Variants in MIER3 observed in about 807,000 individuals in gnomAD.
MIER3 encodes the protein MIER family member 3, also known as mesoderm induction early response protein 3.
Under a neutral mutation model 63.2 loss-of-function variants are expected in MIER3, and 9 were observed. The ratio of observed to expected loss-of-function variants is 0.14; its 90% CI spans 0.09 to 0.25. The LOEUF (loss-of-function observed/expected upper bound fraction) is 0.25. MIER3 is among the 10% of genes least tolerant of loss of function. The pLI, the probability that MIER3 is intolerant of heterozygous loss-of-function variation, is 1.00. For missense variants in MIER3, 512 were observed against 666.2 expected, an observed-to-expected ratio of 0.77 and a Z score of 2.55; for synonymous variants, 205 against 224.9, an observed-to-expected ratio of 0.91 and a Z score of 0.79.
intron 3 of MIER3, among the ~76,000 whole-genome samples, chr5:56,940,099 G>A (rs1750590366): frequency 6.6e-6 from 1 of 152,148 alleles, no homozygotes; most frequent in African/African-American, 2.4e-5. Flanking sequence ...GGAGGCCGAG[G>A]CAGGCAGATC....
intron 3 of MIER3, among the ~76,000 whole-genome samples, chr5:56,941,907 C>G (rs913516597): frequency 2.6e-5 from 4 of 151,794 alleles, no homozygotes; most frequent in African/African-American, 9.7e-5. Flanking sequence ...GGTCACTGGA[C>G]GTGGGAGGGA....
Position 56,935,546 on chromosome 5 carries a change from A to G in MIER3, c.523-46T>C. ...AAAAATAACTTATTAAAAAAAAAAT[A>G]CTGAAAAAAAGCCCCATATCATTAA... On this transcript the variant is annotated intron_variant, in intron 6 of 12. Transcript: ENST00000381199. 1.3e-6 allele frequency: 2 copies of G among 1,501,830 alleles called. 1 individual carries two copies. The highest frequency in any genetic ancestry group is 1.8e-6 in the Non-Finnish European group (2 of 1,104,890). 93.0% of individuals were successfully genotyped at this position (1,501,830 alleles called of 1,614,324 possible).
At chr5:56,950,771 A>G in intron 1 of MIER3, 119 bp from the exon 2 acceptor site, 3 of 1,151,362 alleles carry the variant, frequency 2.6e-6, no homozygotes, top group Non-Finnish European at 3.8e-6. Context: ...CAAAAGTGCA[A>G]GACGTAGCTT....
chr5:56,924,979 G>T lies in MIER3; in HGVS notation c.925-937C>A, dbSNP rs1299723704. Reference sequence around the variant, plus strand: ...TCGCAGAGAATGCAGGCTTCGTGGGGCTACAGACCTTTTCTGTCTTATTCA... The same window carrying T: ...TCGCAGAGAATGCAGGCTTCGTGGGTCTACAGACCTTTTCTGTCTTATTCA... On this transcript the variant is annotated intron_variant, in intron 10 of 12. Transcript: ENST00000381199. 3.9e-5 allele frequency among the ~76,000 whole-genome samples: 6 copies of T among 152,156 alleles called. No individual in the cohort carries two copies. In the East Asian group the frequency reaches 1.2e-3, roughly 29 times the overall value.
In MIER3 at chr5:56,920,737, A is replaced by C. The variant is rs572753684; in HGVS notation, c.*2391T>G. 2.0e-5 allele frequency: 3 copies of C among 152,410 alleles called. No individual in the cohort carries two copies. The highest frequency in any genetic ancestry group is 2.0e-4 in the Admixed American group (3 of 15,304). 9.4% of individuals were successfully genotyped at this position (152,410 alleles called of 1,614,324 possible). On this transcript the variant is annotated 3_prime_UTR_variant, in exon 13 of 13. Coordinates refer to ENST00000381199, the MANE Select transcript of MIER3 (RefSeq NM_001297599.2). ...TGAATGTCACATCAAGCATGCACAA[A>C]AATGGTATTATACATGGCAGAAGTA...
At chr5:56,930,489 C>CA (rs1481058601) in intron 9 of MIER3, among the ~76,000 whole-genome samples, 175 bp downstream of exon 9, 1 of 152,126 alleles carries the variant, frequency 6.6e-6, no homozygotes. Flanking sequence ...TTTGAACAGT[C>CA]TCTGATACAT....
intron 8 of MIER3, among the ~76,000 whole-genome samples, chr5:56,931,702 C>T (rs755805323): frequency 3.3e-5 from 5 of 151,956 alleles, no homozygotes; most frequent in Non-Finnish European, 7.4e-5. Context: ...AAAGCAGGCA[C>T]CAAATCACTG....
In MIER3 at chr5:56,948,060, G is replaced by A. The variant is rs964075903; in HGVS notation, c.35-989C>T. On this transcript the variant is annotated intron_variant, in intron 2 of 12. Coordinates refer to ENST00000381199, the MANE Select transcript of MIER3 (RefSeq NM_001297599.2). ...GGTTGGGGGAAGGAAGAAGTGGATG[G>A]AAGCATACTCAACATAAAAAGTTTA... 5.3e-5 allele frequency among the ~76,000 whole-genome samples: 8 copies of A among 152,310 alleles called. No individual in the cohort carries two copies. In the South Asian group the frequency reaches 1.7e-3, roughly 32 times the overall value.
Position 56,919,891 on chromosome 5 carries a change from GA to G in MIER3, c.*3236del, listed in dbSNP as rs1292798551. On this transcript the variant is annotated 3_prime_UTR_variant, in exon 13 of 13. Transcript: ENST00000381199. Reference sequence around the variant, plus strand: ...AAACTAATAGTTTCCTCCATTTAGTGAAAAAATTAGGAACTTTTTAAAAAAC... The same window carrying G: ...AAACTAATAGTTTCCTCCATTTAGTGAAAAATTAGGAACTTTTTAAAAAAC... 2 of 152,454 alleles carry G rather than the reference GA, an allele frequency of 1.3e-5. No homozygotes were observed. The highest frequency in any genetic ancestry group is 2.9e-5 in the Non-Finnish European group (2 of 67,990). 9.4% of individuals were successfully genotyped at this position (152,454 alleles called of 1,614,324 possible).
intron 8 of MIER3, 37 bp from the exon 9 acceptor site, chr5:56,930,782 A>G: frequency 1.3e-6 from 2 of 1,517,144 alleles, no homozygotes; most frequent in Non-Finnish European, 1.8e-6. Context: ...TTAAAAGTTC[A>G]TACCTAACAG....
At chr5:56,925,373 A>T (rs965268565) in intron 10 of MIER3, 10 of 452,836 alleles carry the variant, frequency 2.2e-5, no homozygotes, top group African/African-American at 6.0e-5. Flanking sequence ...AAGAATCAAC[A>T]AAAAATCGCC....
intron 9 of MIER3, 144 bp from the exon 10 acceptor site, chr5:56,929,005 ACTCTCTCT>A (rs1554041077): frequency 2.0e-6 from 1 of 510,496 alleles, no homozygotes; most frequent in Non-Finnish European, 3.5e-6. Flanking sequence ...ACACACACAC[ACTCTCTCT>A]CTCTCTCTCT....
chr5:56,950,553 A>C, intron 2 of MIER3, 75 bp downstream of exon 2: 1 of 1,456,950 alleles, frequency 6.9e-7, no homozygotes, highest in East Asian at 2.3e-5. Flanking sequence ...TTCTATTGGG[A>C]ATCCTTTAGC....
chr5:56,919,688 T>A lies in MIER3; in HGVS notation c.*3440A>T, dbSNP rs1561225017. On this transcript the variant is annotated 3_prime_UTR_variant, in exon 13 of 13. Transcript: ENST00000381199. The stretch of plus-strand genomic sequence containing the variant: ...AAAATAATGCTCAAAAAAATCAGTG[T>A]TTATGTACAAATATTAAAATCAATG... 6.6e-6 allele frequency: 1 copy of A among 152,626 alleles called. No individual in the cohort carries two copies. Among genetic ancestry groups the A allele is most frequent in the East Asian group, 1.9e-4 (1 of 5,202 alleles). 9.5% of individuals were successfully genotyped at this position (152,626 alleles called of 1,614,324 possible). A position where few individuals can be genotyped will look rare whatever the true frequency, so the allele number is the denominator to read the frequency against.
At position 56,923,507 on chromosome 5, in the gene MIER3, T is replaced by A. The variant is rs1473888286; in HGVS notation, c.1274A>T (p.Asn425Ile). 1.9e-6 allele frequency: 3 copies of A among 1,614,056 alleles called. No homozygotes were observed. Among genetic ancestry groups the A allele is most frequent in the Admixed American group, 3.3e-5 (2 of 59,984 alleles). Residue 425 changes from asparagine (N) to isoleucine (I), a missense_variant, in exon 13 of 13, where the codon AAC becomes ATC. Physicochemically the swap from Asn to Ile is moderately radical, Grantham distance 149. Around this residue, in one of 5 missense-constraint regions of MIER3, gnomAD observed 218 missense variants for 251.2 expected, o/e 0.87. Coordinates refer to ENST00000381199, the MANE Select transcript of MIER3 (RefSeq NM_001297599.2). ...CLDDSFPPLG[N>I]TPRGQVNHVP... ...ATGATTAACTTGTCCACGGGGTGTG[T>A]TGCCCAGTGGAGGAAAGCTATCATC... is the stretch of plus-strand genomic sequence containing the variant.
chr5:56,949,932 AG>A (rs1750959974), intron 2 of MIER3, among the ~76,000 whole-genome samples: 1 of 152,226 alleles, frequency 6.6e-6, no homozygotes, highest in Non-Finnish European at 1.5e-5. Flanking sequence ...GACCTGCTAC[AG>A]GGATTCTACA....
chr5:56,950,027 T>C (rs550697412), intron 2 of MIER3, among the ~76,000 whole-genome samples: 1 of 152,356 alleles, frequency 6.6e-6, no homozygotes, highest in East Asian at 1.9e-4. Flanking sequence ...CAGGGGTTTC[T>C]GACCTCAGGA....
At chr5:56,930,832 G>A (rs1750240205) in intron 8 of MIER3, 87 bp from the exon 9 acceptor site, 1 of 1,069,054 alleles carries the variant, frequency 9.4e-7, no homozygotes, top group Admixed American at 1.8e-5. Flanking sequence ...ATAAATATTG[G>A]AGTCTTGATA....
chr5:56,923,550 T>C lies in MIER3; in HGVS notation c.1231A>G (p.Thr411Ala). 2 of 1,614,062 alleles carry C rather than the reference T, an allele frequency of 1.2e-6. No individual in the cohort carries two copies. Among genetic ancestry groups the C allele is most frequent in the Non-Finnish European group, 1.7e-6 (2 of 1,179,956 alleles). ...CTATCATCCAAACAATTCACATCTGTGGGGTCGCAGACGGTTGCTACACTG... is the reference window on the plus strand; with the variant it reads ...CTATCATCCAAACAATTCACATCTGCGGGGTCGCAGACGGTTGCTACACTG... ...TNSVATVCDP[T>A]DVNCLDDSFP... The change falls in exon 13 of 13, where the codon ACA becomes GCA. Residue 411 changes from threonine to alanine, a missense_variant. Thr to Ala is a moderately conservative substitution (Grantham distance 58). Coordinates refer to ENST00000381199, the MANE Select transcript of MIER3 (RefSeq NM_001297599.2).
Sources: gnomAD v4.1 joint callset for allele counts (sites outside exome capture counted in the v4.1 genomes callset) on GRCh38, gnomAD v4.1.1 for gene constraint, gnomAD v4.1.1 regional missense constraint, MANE v1.5 for transcripts, NCBI Gene and HGNC (gene_info 2026-07-23, HGNC 2026-07-21) for gene names.